Variants in IDO1 observed in about 807,000 individuals in gnomAD.
IDO1 encodes the protein indoleamine 2,3-dioxygenase 1, also known as indolamine 2,3 dioxygenase.
Under a neutral mutation model 38.8 loss-of-function variants are expected in IDO1, and 35 were observed. The observed-to-expected ratio is 0.90, with a 90% CI of 0.69 to 1.20. IDO1 has a LOEUF of 1.20. Among genes scored for constraint, IDO1 ranks in the 50% most tolerant of loss-of-function variants. IDO1 has a pLI of 0.00. For missense variants in IDO1, 509 were observed against 485.1 expected, an observed-to-expected ratio of 1.05 and a Z score of -0.46; for synonymous variants, 171 against 170.0, an observed-to-expected ratio of 1.01 and a Z score of -0.05.
rs879609653 is a variant in IDO1, at chr8:39,921,985, G to T, written c.438-567G>T. Among the ~76,000 whole-genome samples, 15 of 152,108 alleles carry T rather than the reference G, an allele frequency of 9.9e-5. No individual in the cohort carries two copies. The Middle Eastern group carries it at 0.01, about 103-fold the overall frequency. ...GAATTTCTAATTCTGAGTGTTTTTT[G>T]TTGTTGTTGTTTTGTTTTGTTTATT... is the stretch of plus-strand genomic sequence containing the variant. On this transcript the variant is annotated intron_variant, in intron 5 of 9. Coordinates refer to ENST00000518237, the MANE Select transcript of IDO1 (RefSeq NM_002164.6).
In IDO1 at chr8:39,924,819, A is replaced by C. The variant is rs755201913; in HGVS notation, c.707+47A>C. On this transcript the variant is annotated intron_variant, in intron 8 of 9. Transcript: ENST00000518237. The stretch of plus-strand genomic sequence containing the variant: ...TTTGTTTGCTCTCACTTAACAAAGA[A>C]CACCACCAAATTCTCTTGGTTGGTC... 4.1e-5 allele frequency: 56 copies of C among 1,362,854 alleles called. No individual in the cohort carries two copies. In the East Asian group the frequency reaches 1.1e-3, roughly 28 times the overall value. The allele number at this position is 1,362,854 out of a possible 1,614,324, so 84.4% of individuals were successfully genotyped here. A position where few individuals can be genotyped will look rare whatever the true frequency, so the allele number is the denominator to read the frequency against.
Position 39,925,230 on chromosome 8 carries a change from G to T in IDO1, c.715G>T (p.Gly239Cys). 1 of 1,580,570 alleles carries T rather than the reference G, an allele frequency of 6.3e-7. No individual in the cohort carries two copies. Among genetic ancestry groups the T allele is most frequent in the African/African-American group, 1.4e-5 (1 of 73,166 alleles). The change falls in exon 9 of 10, where the codon GGC (glycine) becomes TGC (cysteine). Residue 239 changes from glycine to cysteine, a missense_variant. Gly to Cys is a radical substitution (Grantham distance 159). Transcript: ENST00000518237. ...CTTTCTTTCCTCTGATAGCTGGAAA[G>T]GCAACCCCCAGCTATCAGACGGTCT... ...VLRIYLSGWK[G>C]NPQLSDGLVY...
rs116343050 is a variant in IDO1 at position 39,924,560 on chromosome 8, G to T, written c.656-161G>T. Among the ~76,000 whole-genome samples the T allele has an allele frequency of 5.2e-3, 799 of 152,208 alleles. 11 individuals are homozygous for T. Among genetic ancestry groups the T allele is most frequent in the African/African-American group, 0.018 (758 of 41,526 alleles). ...TTAATGGGCTTCCTGGAAGAGGGTAGGAAAGTGAATGCTTATCTGCAGGGG... is the reference window on the plus strand; with the variant it reads ...TTAATGGGCTTCCTGGAAGAGGGTATGAAAGTGAATGCTTATCTGCAGGGG... On this transcript the variant is annotated intron_variant, in intron 7 of 9. Transcript: ENST00000518237.
chr8:39,916,327 A>C (rs72643904), intron 1 of IDO1, among the ~76,000 whole-genome samples: 3,603 of 151,958 alleles, frequency 0.024, 63 homozygotes, highest in Non-Finnish European at 0.033. Context: ...AAATGCAAAA[A>C]AAAATTACCC....
intron 5 of IDO1, chr8:39,920,944 A>G (rs1807262326): frequency 1.3e-5 from 2 of 152,302 alleles, no homozygotes. Context: ...AAATTGCGAT[A>G]TGATAAAGAT....
chr8:39,914,983 T>C (rs1586207996), intron 1 of IDO1, among the ~76,000 whole-genome samples: 2 of 152,160 alleles, frequency 1.3e-5, no homozygotes, highest in Admixed American at 1.3e-4. Context: ...GCCAGGCTGG[T>C]CTCGAACTCC....
At chr8:39,927,055 A>G (rs1336764598) in intron 9 of IDO1, among the ~76,000 whole-genome samples, 1 of 152,136 alleles carries the variant, frequency 6.6e-6, no homozygotes, top group African/African-American at 2.4e-5. Flanking sequence ...ATGGCTGTGT[A>G]GTATTCCATG....
chr8:39,920,679 A>C (rs1586211004), intron 5 of IDO1: 2 of 152,334 alleles, frequency 1.3e-5, no homozygotes, highest in East Asian at 3.9e-4. Flanking sequence ...AATACAAAAA[A>C]TTAGCCGGGC....
At chr8:39,917,731 CA>C (rs1807195230) in intron 1 of IDO1, 143 bp from the exon 2 acceptor site, 1 of 615,434 alleles carries the variant, frequency 1.6e-6, no homozygotes. Flanking sequence ...GATGACAAGA[CA>C]GAGGCTGGTG....
intron 7 of IDO1, 40 bp from the exon 8 acceptor site, chr8:39,924,681 T>A: frequency 7.0e-7 from 1 of 1,436,838 alleles, no homozygotes; most frequent in Non-Finnish European, 9.8e-7. Flanking sequence ...CCTGTATACC[T>A]CTGATGCTGC....
At chr8:39,915,090 T>C (rs775168928) in intron 1 of IDO1, among the ~76,000 whole-genome samples, 1 of 152,132 alleles carries the variant, frequency 6.6e-6, no homozygotes, top group Non-Finnish European at 1.5e-5. Flanking sequence ...ATTATCCTCA[T>C]GTTCCTAATG....
rs1214540367 is a variant in IDO1, at chr8:39,918,746, C to CAAAAAAAAAA, written c.304-55_304-46dup. 23 of 294,968 alleles carry CAAAAAAAAAA rather than the reference C, an allele frequency of 7.8e-5. 1 individual carries two copies. The highest frequency in any genetic ancestry group is 8.2e-5 in the Non-Finnish European group (14 of 170,466). The allele number at this position is 294,968 out of a possible 1,614,324, so 18.3% of individuals were successfully genotyped here. A position where few individuals can be genotyped will look rare whatever the true frequency, so the allele number is the denominator to read the frequency against. On this transcript the variant is annotated intron_variant, in intron 3 of 9. Transcript: ENST00000518237. ...GGGGGACAGGAGCAAGACTCCATCT[C>CAAAAAAAAAA]AAAAAAAAAAAAAAAAAAAAAAACA...
At chr8:39,923,611 G>A (rs950116832) in intron 7 of IDO1, 25 bp downstream of exon 7, 1 of 1,350,648 alleles carries the variant, frequency 7.4e-7, no homozygotes, top group African/African-American at 1.4e-5. Context: ...CAGTGCAATA[G>A]TCTAGGCTGA....
At chr8:39,923,696 C>T (rs1333109343) in intron 7 of IDO1, 110 bp downstream of exon 7, 1 of 609,212 alleles carries the variant, frequency 1.6e-6, no homozygotes. Flanking sequence ...TATGTTTTCA[C>T]TTTAGGTATT....
chr8:39,926,306 G>T (rs185630439), intron 9 of IDO1, among the ~76,000 whole-genome samples: 2 of 152,166 alleles, frequency 1.3e-5, no homozygotes, highest in Non-Finnish European at 2.9e-5. Flanking sequence ...GGTTGACTCC[G>T]GTGAAGCCAA....
rs1432240874 is a variant in IDO1, at chr8:39,928,309, G to A, written c.*124G>A. ...GTTTTACCAATAATGCAATACAAAA[G>A]ACCTCAAAATACCTGTGCATTTCTT... On this transcript the variant is annotated 3_prime_UTR_variant, in exon 10 of 10. Transcript: ENST00000518237. 1.5e-6 allele frequency: 1 copy of A among 651,806 alleles called. No individual in the cohort carries two copies. Among genetic ancestry groups the A allele is most frequent in the Non-Finnish European group, 2.5e-6 (1 of 393,902 alleles). The allele number at this position is 651,806 out of a possible 1,614,324, so 40.4% of individuals were successfully genotyped here. A position where few individuals can be genotyped will look rare whatever the true frequency, so the allele number is the denominator to read the frequency against.
rs755574786 is a variant in IDO1, at chr8:39,917,942, C to A, written c.155C>A (p.Ser52Tyr). ...IAKHLPDLIE[S>Y]GQLRERVEKL... is the part of the protein sequence containing the mutation. ...AAACATCTGCCTGATCTCATAGAGT[C>A]TGGCCAGCTTCGAGAAAGAGTTGAG... is the stretch of plus-strand genomic sequence containing the variant. Residue 52 changes from serine (S) to tyrosine (Y), a missense_variant, in exon 2 of 10, where the codon TCT (serine) becomes TAT (tyrosine). Ser to Tyr is a moderately radical substitution (Grantham distance 144, BLOSUM62 -2). Coordinates refer to ENST00000518237, the MANE Select transcript of IDO1 (RefSeq NM_002164.6). 27 of 1,612,994 alleles carry A rather than the reference C, an allele frequency of 1.7e-5. No individual in the cohort carries two copies. Among genetic ancestry groups the A allele is most frequent in the Non-Finnish European group, 8.5e-6 (10 of 1,179,418 alleles).
Position 39,923,450 on chromosome 8 carries a change from T to C in IDO1, c.538-19T>C, listed in dbSNP as rs1342130295. ...AGAAAGAAAACCTTAAATGTTTGTG[T>C]TTTGTTTGTTTGTTTTAGGTAATTC... On this transcript the variant is annotated intron_variant, in intron 6 of 9. Transcript: ENST00000518237. 31 of 1,325,306 alleles carry C rather than the reference T, an allele frequency of 2.3e-5. 1 individual carries two copies. In the South Asian group the frequency reaches 3.5e-4, roughly 15 times the overall value. 82.1% of individuals were successfully genotyped at this position (1,325,306 alleles called of 1,614,324 possible).
intron 1 of IDO1, chr8:39,915,700 A>C (rs1189497853): frequency 6.6e-6 from 1 of 152,228 alleles, no homozygotes; most frequent in African/African-American, 2.4e-5. Context: ...CAATAAAACC[A>C]TCTTTTTCAG....
Sources: allele counts gnomAD v4.1 joint callset (sites outside exome capture counted in the v4.1 genomes callset), GRCh38; gene constraint gnomAD v4.1.1; transcripts MANE v1.5; gene names NCBI Gene and HGNC (gene_info 2026-07-23, HGNC 2026-07-21).